Variants in VWA5B1 observed in about 807,000 individuals in gnomAD.
VWA5B1 encodes von Willebrand factor A domain containing 5B1.
In VWA5B1, 115 loss-of-function variants were observed where a neutral mutation model predicts 118.2. The ratio of observed to expected loss-of-function variants is 0.97; its 90% CI spans 0.84 to 1.14. The LOEUF is 1.14. Ranked by LOEUF, VWA5B1 falls within the 50% of genes most tolerant of loss-of-function variation. VWA5B1 has a pLI of 0.00. For synonymous variants in VWA5B1, 682 were observed against 658.4 expected (o/e 1.04, Z -0.55); for missense variants, 1,596 against 1,603.8 (o/e 1.00, Z 0.08).
Position 20,319,441 on chromosome 1 carries a change from C to A in VWA5B1, c.901C>A (p.Gln301Lys). ...GGACATGACCCTGGGAGAGTTTGACCAGCACTTGAAGGGAAGAACAGATTT... is the reference window on the plus strand; with the variant it reads ...GGACATGACCCTGGGAGAGTTTGACAAGCACTTGAAGGGAAGAACAGATTT... ...KGDMTLGEFD[Q>K]HLKGRTDFIK... Residue 301 changes from glutamine to lysine, a missense_variant, in exon 7 of 22, where the codon CAG (glutamine) becomes AAG (lysine). Physicochemically the swap from Gln to Lys is moderately conservative, Grantham distance 53. Coordinates refer to ENST00000289815, the MANE Select transcript of VWA5B1 (RefSeq NM_001039500.3). 3 of 1,551,766 alleles carry A rather than the reference C, an allele frequency of 1.9e-6. No homozygotes were observed. The highest frequency in any genetic ancestry group is 3.3e-4 in the Middle Eastern group (2 of 5,992).
In VWA5B1 at chr1:20,332,765, G is replaced by A; in HGVS notation, c.1573-1G>A. The A allele has an allele frequency of 6.4e-7, 1 of 1,551,470 alleles. No individual in the cohort carries two copies. The highest frequency in any genetic ancestry group is 8.7e-7 in the Non-Finnish European group (1 of 1,146,858). On this transcript the variant is annotated splice_acceptor_variant, in intron 11 of 21. Transcript: ENST00000289815. LOFTEE classifies it high-confidence loss of function. Reference sequence around the variant, plus strand: ...AACTGCATTCTGACCCTGCCCTACAGATGGTCAAATCCTTGAAGAAGGCCA... The same window carrying A: ...AACTGCATTCTGACCCTGCCCTACAAATGGTCAAATCCTTGAAGAAGGCCA...
chr1:20,344,185 C>G (rs937446525), intron 16 of VWA5B1, among the ~76,000 whole-genome samples: 1 of 151,696 alleles, frequency 6.6e-6, no homozygotes, highest in Non-Finnish European at 1.5e-5. Flanking sequence ...TCTTCCACCC[C>G]CATTCAGTGA....
At chr1:20,353,197 C>T (rs1384274664) in intron 21 of VWA5B1, among the ~76,000 whole-genome samples, 3 of 152,096 alleles carry the variant, frequency 2.0e-5, no homozygotes, top group African/African-American at 4.8e-5. Context: ...TAAGAGTCAA[C>T]GATTAGGTGG....
rs535503972 is a variant in VWA5B1, at chr1:20,340,194, T to TGC, written c.2134-2233_2134-2232dup. ...CATGCACACGCAACACACTTATATG[T>TGC]GCGCGCACACACACACACACACACA... On this transcript the variant is annotated intron_variant, in intron 14 of 21. Transcript: ENST00000289815. Among the ~76,000 whole-genome samples the TGC allele has an allele frequency of 6.0e-4, 87 of 144,890 alleles. 3 individuals are homozygous for TGC. The East Asian group carries it at 7.0e-3, about 12-fold the overall frequency.
In VWA5B1 at chr1:20,354,728, T is replaced by C. The variant is rs191019230; in HGVS notation, c.*465T>C. ...CCCAGTGACCTCAAGTAACCAGGCC[T>C]ACAGGCTTGCATAGGCACATAGAGA... On this transcript the variant is annotated 3_prime_UTR_variant, in exon 22 of 22. Coordinates refer to ENST00000289815, the MANE Select transcript of VWA5B1 (RefSeq NM_001039500.3). 2.7e-4 allele frequency: 46 copies of C among 170,626 alleles called. 1 individual carries two copies. In the East Asian group the frequency reaches 7.0e-3, roughly 26 times the overall value. The allele number at this position is 170,626 out of a possible 1,614,324, so 10.6% of individuals were successfully genotyped here. A position where few individuals can be genotyped will look rare whatever the true frequency, so the allele number is the denominator to read the frequency against.
chr1:20,354,471 T>C lies in VWA5B1; in HGVS notation c.*208T>C. 1 of 615,914 alleles carries C rather than the reference T, an allele frequency of 1.6e-6. No individual in the cohort carries two copies. Among genetic ancestry groups the C allele is most frequent in the Non-Finnish European group, 2.8e-6 (1 of 361,220 alleles). The allele number at this position is 615,914 out of a possible 1,614,324, so 38.2% of individuals were successfully genotyped here. A position where few individuals can be genotyped will look rare whatever the true frequency, so the allele number is the denominator to read the frequency against. On this transcript the variant is annotated 3_prime_UTR_variant, in exon 22 of 22. Coordinates refer to ENST00000289815, the MANE Select transcript of VWA5B1 (RefSeq NM_001039500.3). The stretch of plus-strand genomic sequence containing the variant: ...AACTTTAGGCCAGTGCCTGCCCCCG[T>C]CTGGGCCTCAGTTTCCTCATCTATA...
chr1:20,358,153 TC>T lies in VWA5B1; in HGVS notation c.*3894del. On this transcript the variant is annotated 3_prime_UTR_variant, in exon 22 of 22. Transcript: ENST00000289815. ...TTCTCTGCGGGCAAAATGAATGGCA[TC>T]CCCTAGCCTTCACTGACCTGAGCTG... 6.6e-6 allele frequency among the ~76,000 whole-genome samples: 1 copy of T among 152,144 alleles called. No homozygotes were observed. Among genetic ancestry groups the T allele is most frequent in the East Asian group, 1.9e-4 (1 of 5,200 alleles).
At chr1:20,352,489 A>G (rs2090149872) in intron 21 of VWA5B1, among the ~76,000 whole-genome samples, 1 of 152,186 alleles carries the variant, frequency 6.6e-6, no homozygotes, top group Non-Finnish European at 1.5e-5. Context: ...TACTCCACGC[A>G]TCTATGTGTA....
intron 7 of VWA5B1, among the ~76,000 whole-genome samples, chr1:20,320,064 C>A (rs1245115583): frequency 6.6e-6 from 1 of 152,236 alleles, no homozygotes; most frequent in Non-Finnish European, 1.5e-5. Flanking sequence ...GGCTGAGCGT[C>A]AGCCACAAGT....
intron 21 of VWA5B1, among the ~76,000 whole-genome samples, chr1:20,352,822 T>C (rs1221097196): frequency 1.3e-5 from 2 of 152,254 alleles, no homozygotes; most frequent in Admixed American, 1.3e-4. Flanking sequence ...CCAGGGCAAC[T>C]GAGCACTAGG....
rs1177219329 is a variant in VWA5B1, at chr1:20,354,609, T to C, written c.*346T>C. On this transcript the variant is annotated 3_prime_UTR_variant, in exon 22 of 22. Coordinates refer to ENST00000289815, the MANE Select transcript of VWA5B1 (RefSeq NM_001039500.3). ...TGCTGCTGGGGCTGGCGAGGGAAGA[T>C]GCAGTGGAAGCCTGAGCCCTGTCTG... The C allele has an allele frequency of 6.5e-6, 2 of 306,734 alleles. No individual in the cohort carries two copies. The highest frequency in any genetic ancestry group is 3.8e-5 in the South Asian group (1 of 26,348). The allele number at this position is 306,734 out of a possible 1,614,324, so 19.0% of individuals were successfully genotyped here.
intron 17 of VWA5B1, 44 bp downstream of exon 17, chr1:20,345,637 G>A (rs547024514): frequency 1.3e-6 from 2 of 1,503,846 alleles, no homozygotes; most frequent in East Asian, 2.5e-5. Context: ...GGGCCAAGCA[G>A]CCCCTGTGGA....
At position 20,354,815 on chromosome 1, in the gene VWA5B1, C is replaced by CA. The variant is rs397819103; in HGVS notation, c.*552_*553insA. The CA allele has an allele frequency of 6.5e-6, 1 of 152,816 alleles. No individual in the cohort carries two copies. Among genetic ancestry groups the CA allele is most frequent in the Non-Finnish European group, 1.5e-5 (1 of 68,596 alleles). The allele number at this position is 152,816 out of a possible 1,614,324, so 9.5% of individuals were successfully genotyped here. Reference sequence around the variant, plus strand: ...TCCATGGTAACAGCCAAGGACCCCCCCTAAATCCCACTTAAAAGCCAATTG... The same window carrying CA: ...TCCATGGTAACAGCCAAGGACCCCCCACTAAATCCCACTTAAAAGCCAATTG... On this transcript the variant is annotated 3_prime_UTR_variant, in exon 22 of 22. Transcript: ENST00000289815.
intron 12 of VWA5B1, among the ~76,000 whole-genome samples, 190 bp from the exon 13 acceptor site, chr1:20,336,113 G>A (rs569051962): frequency 1.3e-5 from 2 of 152,298 alleles, no homozygotes; most frequent in South Asian, 4.1e-4. Flanking sequence ...GTTATGAAAC[G>A]ATAATTCCAT....
Position 20,350,162 on chromosome 1 carries a change from A to C in VWA5B1, c.2885A>C (p.Glu962Ala). ...GEDSAPGNDM[E>A]ASPTALFSEA... The stretch of plus-strand genomic sequence containing the variant: ...ACTGGCTCCTCTGTCCTAGACATGG[A>C]GGCAAGTCCCACTGCTCTCTTCAGC... The change falls in exon 19 of 22, where the codon GAG becomes GCG. Residue 962 changes from glutamate (E) to alanine (A), a missense_variant. By Grantham distance (107) the Glu-to-Ala change is moderately radical. Transcript: ENST00000289815. 6.4e-7 allele frequency: 1 copy of C among 1,551,198 alleles called. No individual in the cohort carries two copies. Among genetic ancestry groups the C allele is most frequent in the Non-Finnish European group, 8.7e-7 (1 of 1,146,942 alleles).
At chr1:20,313,251 C>G (rs1399129461) in intron 3 of VWA5B1, among the ~76,000 whole-genome samples, 1 of 152,186 alleles carries the variant, frequency 6.6e-6, no homozygotes, top group African/African-American at 2.4e-5. Context: ...GGAAGGGAGG[C>G]AACAAAAGGA....
intron 4 of VWA5B1, 29 bp from the exon 5 acceptor site, chr1:20,317,501 C>T (rs781577671): frequency 7.7e-5 from 120 of 1,548,686 alleles, no homozygotes; most frequent in Non-Finnish European, 1.4e-5. Flanking sequence ...CCTGGCTGGT[C>T]TCCTTTCCTT....
chr1:20,298,009 T>G (rs57194128), intron 1 of VWA5B1, among the ~76,000 whole-genome samples: 18,306 of 125,670 alleles, frequency 0.15, 1,438 homozygotes, highest in African/African-American at 0.27. Flanking sequence ...TTTTTTTTTT[T>G]TTTTTTTTTG....
intron 13 of VWA5B1, 35 bp downstream of exon 13, chr1:20,336,521 T>TTGAGCACTTACTATGTGC: frequency 7.6e-7 from 1 of 1,321,118 alleles, no homozygotes; most frequent in Admixed American, 3.4e-5. Context: ...CTGCCTTACA[T>TTGAGCACTTACTATGTGC]TGAGCACTTA....
Sources: gnomAD v4.1 joint callset for allele counts (sites outside exome capture counted in the v4.1 genomes callset) on GRCh38, gnomAD v4.1.1 for gene constraint, MANE v1.5 for transcripts, NCBI Gene and HGNC (gene_info 2026-07-23, HGNC 2026-07-21) for gene names.